Variants in SLC26A7 observed in about 807,000 individuals in gnomAD.
SLC26A7 encodes anion exchange transporter.
In SLC26A7, 59 loss-of-function variants were observed where a neutral mutation model predicts 82.5. That is an observed-to-expected ratio of 0.72 (90% CI 0.58 to 0.89). The LOEUF (loss-of-function observed/expected upper bound fraction) is 0.89, where lower values mean the gene tolerates loss of function less well. Among genes scored for constraint, SLC26A7 ranks in the 40% least tolerant of loss-of-function variants. SLC26A7 has a pLI of 0.00. For synonymous variants in SLC26A7, 271 were observed against 274.3 expected, an observed-to-expected ratio of 0.99 and a Z score of 0.12; for missense variants, 820 against 793.0, an observed-to-expected ratio of 1.03 and a Z score of -0.41.
intron 15 of SLC26A7, among the ~76,000 whole-genome samples, chr8:91,385,086 C>T (rs1018077711): frequency 6.6e-6 from 1 of 152,152 alleles, no homozygotes; most frequent in African/African-American, 2.4e-5. Flanking sequence ...CTGGCTTCCA[C>T]AGTCTGGAGT....
At chr8:91,376,854 G>A (rs1280559278) in intron 15 of SLC26A7, among the ~76,000 whole-genome samples, 1 of 152,132 alleles carries the variant, frequency 6.6e-6, no homozygotes, top group Admixed American at 6.5e-5. Flanking sequence ...AAGCTGAGCT[G>A]GCAGGAATGC....
At chr8:91,311,617 T>C (rs1283329371) in intron 4 of SLC26A7, among the ~76,000 whole-genome samples, 1 of 152,148 alleles carries the variant, frequency 6.6e-6, no homozygotes, top group Non-Finnish European at 1.5e-5. Context: ...CTGAGACAGT[T>C]CTCAATCAAT....
intron 15 of SLC26A7, among the ~76,000 whole-genome samples, chr8:91,378,168 T>C (rs1045620725): frequency 1.3e-5 from 2 of 151,470 alleles, no homozygotes; most frequent in South Asian, 4.2e-4. Context: ...AATTAATGAA[T>C]AAATGGAAAA....
intron 2 of SLC26A7, among the ~76,000 whole-genome samples, chr8:91,269,463 C>T (rs1361701689): frequency 6.6e-6 from 1 of 152,012 alleles, no homozygotes; most frequent in African/African-American, 2.4e-5. Flanking sequence ...TGTCTCCTGC[C>T]TTGTAGGGTT....
In SLC26A7 at chr8:91,352,681, T is replaced by C. The variant is rs1215699610; in HGVS notation, c.1219-220T>C. Among the ~76,000 whole-genome samples the C allele has an allele frequency of 3.9e-5, 6 of 152,256 alleles. 1 individual carries two copies. Among genetic ancestry groups the C allele is most frequent in the South Asian group, 4.1e-4 (2 of 4,832 alleles). ...TTTTTGCTCTTGTTGTTTAGAATTG[T>C]ACAAATATTACCTTATGAATTCTAG... On this transcript the variant is annotated intron_variant, in intron 10 of 18. Transcript: ENST00000276609.
At position 91,352,381 on chromosome 8, in the gene SLC26A7, T is replaced by C. The variant is rs537159809; in HGVS notation, c.1218+494T>C. 5.9e-5 allele frequency among the ~76,000 whole-genome samples: 9 copies of C among 152,188 alleles called. 1 individual carries two copies. The South Asian group carries it at 1.9e-3, about 32-fold the overall frequency. On this transcript the variant is annotated intron_variant, in intron 10 of 18. Transcript: ENST00000276609. ...AAAACACTGGGCTTATGAGAGCCAG[T>C]CTCCATCCTTTGTTATTCTAATTTT...
chr8:91,274,779 C>A (rs558301110), intron 2 of SLC26A7, among the ~76,000 whole-genome samples: 1 of 152,288 alleles, frequency 6.6e-6, no homozygotes, highest in South Asian at 2.1e-4. Context: ...ATTCTAGACA[C>A]TTCTAGAATT....
At chr8:91,393,665 A>G (rs1469661756) in intron 16 of SLC26A7, 132 bp from the exon 17 acceptor site, 12 of 888,986 alleles carry the variant, frequency 1.3e-5, no homozygotes, top group Non-Finnish European at 2.1e-5. Context: ...CTGTGTAACA[A>G]TGCCTCCCTC....
At chr8:91,364,776 T>C (rs1814145016) in intron 13 of SLC26A7, among the ~76,000 whole-genome samples, 1 of 152,192 alleles carries the variant, frequency 6.6e-6, no homozygotes, top group Non-Finnish European at 1.5e-5. Flanking sequence ...AATGAGGGGA[T>C]TTGTAGGAAG....
intron 9 of SLC26A7, chr8:91,348,507 C>T: frequency 3.0e-6 from 1 of 332,308 alleles, no homozygotes; most frequent in South Asian, 1.2e-4. Context: ...ATTTCATTAT[C>T]TTTTATGCAG....
chr8:91,366,718 G>T lies in SLC26A7; in HGVS notation c.1626+1G>T. 1 of 1,609,552 alleles carries T rather than the reference G, an allele frequency of 6.2e-7. No homozygotes were observed. Among genetic ancestry groups the T allele is most frequent in the Non-Finnish European group, 8.5e-7 (1 of 1,178,796 alleles). On this transcript the variant is annotated splice_donor_variant, in intron 14 of 18. Coordinates refer to ENST00000276609, the MANE Select transcript of SLC26A7 (RefSeq NM_052832.4). LOFTEE classifies it high-confidence loss of function. ...TCAGCCACTTGATGATATCAGCAAG[G>T]TAGGATCAATGGTTTGATTAGAATG...
chr8:91,277,318 G>A (rs780549314), intron 2 of SLC26A7, among the ~76,000 whole-genome samples: 11 of 152,084 alleles, frequency 7.2e-5, no homozygotes, highest in Non-Finnish European at 1.5e-4. Context: ...TTGGTAATTC[G>A]TGCATAAAAC....
At chr8:91,329,380 C>T (rs1346362818) in intron 5 of SLC26A7, among the ~76,000 whole-genome samples, 2 of 152,144 alleles carry the variant, frequency 1.3e-5, no homozygotes, top group Non-Finnish European at 2.9e-5. Flanking sequence ...TCCTCACCAG[C>T]CTCCTTTCCT....
At chr8:91,352,062 GA>G (rs1218888789) in intron 10 of SLC26A7, among the ~76,000 whole-genome samples, 175 bp downstream of exon 10, 2 of 152,152 alleles carry the variant, frequency 1.3e-5, no homozygotes, top group African/African-American at 4.8e-5. Context: ...GCAGGCGTGG[GA>G]GGGGGTACCG....
intron 15 of SLC26A7, among the ~76,000 whole-genome samples, chr8:91,377,675 CAA>C (rs1419352244): frequency 6.6e-6 from 1 of 152,192 alleles, no homozygotes; most frequent in Non-Finnish European, 1.5e-5. Flanking sequence ...TGCACAGTCA[CAA>C]GAGCAGAGGG....
At chr8:91,284,603 C>G (rs376255680) in intron 2 of SLC26A7, among the ~76,000 whole-genome samples, 1 of 152,108 alleles carries the variant, frequency 6.6e-6, no homozygotes, top group East Asian at 1.9e-4. Flanking sequence ...CCTTGAGAAT[C>G]CTGCTAACAC....
chr8:91,270,601 C>T (rs1295805784), intron 2 of SLC26A7, among the ~76,000 whole-genome samples: 1 of 152,144 alleles, frequency 6.6e-6, no homozygotes. Context: ...TCTCAATGAA[C>T]ACATACTCTT....
chr8:91,389,892 G>C (rs893676901), intron 16 of SLC26A7, among the ~76,000 whole-genome samples: 12 of 152,150 alleles, frequency 7.9e-5, no homozygotes, highest in African/African-American at 2.7e-4. Context: ...CCCAATGCAG[G>C]GGCTTTTCTC....
At chr8:91,279,139 A>ATATATATATG (rs1554603803) in intron 2 of SLC26A7, among the ~76,000 whole-genome samples, 3 of 102,888 alleles carry the variant, frequency 2.9e-5, no homozygotes, top group African/African-American at 8.6e-5. Flanking sequence ...ATATATATAT[A>ATATATATATG]TATATATATA....
Sources: allele counts gnomAD v4.1 joint callset (sites outside exome capture counted in the v4.1 genomes callset), GRCh38; gene constraint gnomAD v4.1.1; transcripts MANE v1.5; gene names NCBI Gene and HGNC (gene_info 2026-07-23, HGNC 2026-07-21).